Variants in PVT1 observed in about 807,000 individuals in gnomAD.
The protein encoded by PVT1 is CXCR4/PVT1 fusion.
At chr8:128,095,874 C>T (rs985191669) in intron 5 of PVT1, among the ~76,000 whole-genome samples, 1 of 152,210 alleles carries the variant, frequency 6.6e-6, no homozygotes, top group Non-Finnish European at 1.5e-5. Context: ...TTTTCCACTC[C>T]AATTCTGCCA....
intron 3 of PVT1, among the ~76,000 whole-genome samples, chr8:127,968,425 G>A (rs1182859067): frequency 6.6e-6 from 1 of 152,118 alleles, no homozygotes; most frequent in African/African-American, 2.4e-5. Flanking sequence ...ATACCATTAG[G>A]GAGACACCAA....
At chr8:128,040,930 G>C (rs1436276703) in intron 4 of PVT1, among the ~76,000 whole-genome samples, 1 of 150,256 alleles carries the variant, frequency 6.7e-6, no homozygotes, top group East Asian at 2.0e-4. Context: ...GTGTGTGCTT[G>C]TATATGTGTG....
At chr8:127,995,844 C>T (rs1287797162) in intron 4 of PVT1, among the ~76,000 whole-genome samples, 4 of 152,202 alleles carry the variant, frequency 2.6e-5, no homozygotes, top group African/African-American at 9.7e-5. Context: ...AGGAATCTTC[C>T]TGCGGAACGT....
intron 3 of PVT1, among the ~76,000 whole-genome samples, chr8:127,985,365 G>A (rs1019986646): frequency 2.0e-5 from 3 of 151,496 alleles, no homozygotes; most frequent in Non-Finnish European, 2.9e-5. Flanking sequence ...GGCCTCAAAC[G>A]ATCTTCCTGC....
At chr8:127,954,442 G>A (rs1372733711) in intron 3 of PVT1, among the ~76,000 whole-genome samples, 3 of 151,846 alleles carry the variant, frequency 2.0e-5, no homozygotes, top group Non-Finnish European at 1.5e-5. Flanking sequence ...CTACAGGCAC[G>A]CACCACCACC....
intron 2 of PVT1, chr8:127,803,568 C>T (rs1460842066): frequency 2.6e-5 from 4 of 152,190 alleles, no homozygotes; most frequent in Admixed American, 6.6e-5. Context: ...AGGTACTTGA[C>T]TTAAGAATTC....
At chr8:128,035,951 C>T (rs1423815732) in intron 4 of PVT1, among the ~76,000 whole-genome samples, 2 of 152,224 alleles carry the variant, frequency 1.3e-5, no homozygotes, top group Non-Finnish European at 2.9e-5. Context: ...TTAGTTCAGC[C>T]TCTGACCTCC....
At chr8:128,066,510 C>T (rs141448363) in intron 4 of PVT1, among the ~76,000 whole-genome samples, 4 of 152,326 alleles carry the variant, frequency 2.6e-5, no homozygotes, top group Non-Finnish European at 5.9e-5. Flanking sequence ...AGCATAACAG[C>T]GTCACTTCTG....
At chr8:127,941,585 A>T (rs1438372364) in intron 3 of PVT1, among the ~76,000 whole-genome samples, 4 of 152,254 alleles carry the variant, frequency 2.6e-5, no homozygotes, top group African/African-American at 9.6e-5. Context: ...AATCTTCAGT[A>T]AATGTTTGCT....
At chr8:128,019,543 C>T (rs966179624) in intron 4 of PVT1, among the ~76,000 whole-genome samples, 1 of 152,240 alleles carries the variant, frequency 6.6e-6, no homozygotes, top group African/African-American at 2.4e-5. Context: ...GAATATTTAA[C>T]AATCAGCTTT....
intron 3 of PVT1, among the ~76,000 whole-genome samples, chr8:127,933,346 G>T (rs1816234171): frequency 6.6e-6 from 1 of 152,182 alleles, no homozygotes. Context: ...AAGTGCTGGG[G>T]TTACAGGCGC....
intron 4 of PVT1, among the ~76,000 whole-genome samples, chr8:128,053,388 C>T (rs1563676207): frequency 2.0e-5 from 3 of 149,426 alleles, no homozygotes; most frequent in African/African-American, 4.9e-5. Flanking sequence ...CACACACACA[C>T]ATATATATGT....
intron 6 of PVT1, among the ~76,000 whole-genome samples, chr8:128,098,125 C>T (rs1217587743): frequency 6.6e-6 from 1 of 152,144 alleles, no homozygotes; most frequent in Non-Finnish European, 1.5e-5. Flanking sequence ...TCTGCCTTCC[C>T]CCCGCCCCAC....
At chr8:127,900,372 A>T (rs1323535370) in intron 3 of PVT1, among the ~76,000 whole-genome samples, 1 of 152,174 alleles carries the variant, frequency 6.6e-6, no homozygotes, top group East Asian at 1.9e-4. Flanking sequence ...ATTTAAAAAA[A>T]AAAATAGATA....
intron 4 of PVT1, among the ~76,000 whole-genome samples, chr8:128,025,061 C>T (rs1335888368): frequency 1.3e-5 from 2 of 152,256 alleles, no homozygotes; most frequent in African/African-American, 4.8e-5. Flanking sequence ...CTCATGCTGG[C>T]TGCCCCGGCA....
At chr8:128,041,760 G>T (rs931261211) in intron 4 of PVT1, among the ~76,000 whole-genome samples, 1 of 152,114 alleles carries the variant, frequency 6.6e-6, no homozygotes, top group Non-Finnish European at 1.5e-5. Flanking sequence ...CTTGCTATGT[G>T]TCAAGCATCC....
At chr8:127,980,625 TTGACG>T (rs1241121636) in intron 3 of PVT1, among the ~76,000 whole-genome samples, 1 of 152,156 alleles carries the variant, frequency 6.6e-6, no homozygotes, top group Admixed American at 6.5e-5. Flanking sequence ...CTTACCTTCA[TTGACG>T]TTTGAACTCC....
At position 128,013,563 on chromosome 8, in the gene PVT1, C is replaced by T. The variant is rs528844348; in HGVS notation, n.912+24272C>T. Reference sequence around the variant, plus strand: ...GAGGAATGGACAAGAGAGACACAATCTCTGCCTCTTGAGCCATTTGAACTT... The same window carrying T: ...GAGGAATGGACAAGAGAGACACAATTTCTGCCTCTTGAGCCATTTGAACTT... On this transcript the variant is annotated intron_variant and non_coding_transcript_variant, in intron 4 of 10. Transcript: ENST00000651587. Among the ~76,000 whole-genome samples the T allele has an allele frequency of 3.3e-5, 5 of 152,330 alleles. No individual in the cohort carries two copies. In the South Asian group the frequency reaches 8.3e-4, roughly 25 times the overall value.
intron 5 of PVT1, among the ~76,000 whole-genome samples, chr8:128,087,419 C>T (rs185213627): frequency 6.6e-6 from 1 of 152,318 alleles, no homozygotes; most frequent in African/African-American, 2.4e-5. Flanking sequence ...CCAGCTTTGT[C>T]TCTGTAAACT....
Sources: gnomAD v4.1 joint callset for allele counts (sites outside exome capture counted in the v4.1 genomes callset) on GRCh38, gnomAD v4.1.1 for gene constraint, MANE v1.5 for transcripts, NCBI Gene and HGNC (gene_info 2026-07-23, HGNC 2026-07-21) for gene names.